TTN: variants seen among roughly 807,000 people sequenced by gnomAD.
TTN encodes the protein titin.
Under a neutral mutation model 3,223.0 loss-of-function variants are expected in TTN, and 1,525 were observed. The ratio of observed to expected loss-of-function variants is 0.47; its 90% CI spans 0.45 to 0.49. The LOEUF is 0.49. Among genes scored for constraint, TTN ranks in the 20% least tolerant of loss-of-function variants. The pLI is 0.00. For missense variants in TTN, 40,786 were observed against 43,424.0 expected (o/e 0.94, Z 5.40); for synonymous variants, 14,094 against 15,161.0 (o/e 0.93, Z 5.17).
chr2:178,557,051 G>A lies in TTN; in HGVS notation c.88103C>T (p.Thr29368Ile), dbSNP rs757375731. ...GTCACGTCTCTCAACAATGTAGCCTGTAATCTTGCTACCTCCATCGAAAGC... is the reference window on the plus strand; with the variant it reads ...GTCACGTCTCTCAACAATGTAGCCTATAATCTTGCTACCTCCATCGAAAGC... ...QPAFDGGSKI[T>I]GYIVERRDLP... The change falls in exon 330 of 363, where the codon ACA (threonine) becomes ATA (isoleucine). Residue 29368 changes from threonine to isoleucine, a missense_variant. Coordinates refer to ENST00000589042, the MANE Select transcript of TTN (RefSeq NM_001267550.2). 6.8e-6 allele frequency: 11 copies of A among 1,613,770 alleles called. No individual in the cohort carries two copies. The South Asian group carries it at 1.2e-4, about 18-fold the overall frequency.
At chr2:178,679,441 A>C (rs2154269701) in intron 141 of TTN, 25 bp from the exon 142 acceptor site, 1 of 1,608,878 alleles carries the variant, frequency 6.2e-7, no homozygotes, top group Non-Finnish European at 8.5e-7. Flanking sequence ...TTTATTGTTA[A>C]GTTCTAACTA....
Position 178,560,115 on chromosome 2 carries a change from C to G in TTN, c.86017G>C (p.Val28673Leu), listed in dbSNP as rs766198189. The G allele has an allele frequency of 6.2e-7, 1 of 1,613,686 alleles. No individual in the cohort carries two copies. The highest frequency in any genetic ancestry group is 2.2e-5 in the East Asian group (1 of 44,826). ...GCCCCACCATCAAACAGCGGCTTAA[C>G]CCAGGCAATAGTTATAGTTGTCTTG... ...SGKTTITIAW[V>L]KPLFDGGAPI... The change falls in exon 326 of 363, where the codon GTT (valine) becomes CTT (leucine). Residue 28673 changes from valine to leucine, a missense_variant. By Grantham distance (32) the Val-to-Leu change is conservative (BLOSUM62 1). Transcript: ENST00000589042.
Position 178,608,292 on chromosome 2 carries a change from C to T in TTN, c.52591G>A (p.Val17531Ile). Reference protein sequence around the residue: ...KSLLNALKANVDGLLEGLTYV... With the variant: ...KSLLNALKANIDGLLEGLTYV... ...GTGAGTCCTTCTAATAAGCCATCTA[C>T]ATTGGCTTTCAAGGCATTCAGAAGG... Residue 17531 changes from valine (V) to isoleucine (I), a missense_variant, in exon 275 of 363, where the codon GTA becomes ATA. Coordinates refer to ENST00000589042, the MANE Select transcript of TTN (RefSeq NM_001267550.2). 5 of 1,612,200 alleles carry T rather than the reference C, an allele frequency of 3.1e-6. No homozygotes were observed. Among genetic ancestry groups the T allele is most frequent in the Non-Finnish European group, 4.2e-6 (5 of 1,179,090 alleles).
In TTN at chr2:178,644,569, CT is replaced by C; in HGVS notation, c.40455del (p.Val13486TrpfsTer6). On this transcript the variant is annotated frameshift_variant, in exon 218 of 363. Coordinates refer to ENST00000589042, the MANE Select transcript of TTN (RefSeq NM_001267550.2). LOFTEE classifies it high-confidence loss of function. ...KVPEKPQVPE[K>X]VELTPLKVPG... ...ATACCTTTCAGAGGTGTAAGCTCCA[CT>C]TTTTCTGGAACCTGAGGTTTTTCAG... 1 of 1,586,548 alleles carries C rather than the reference CT, an allele frequency of 6.3e-7. No individual in the cohort carries two copies. Among genetic ancestry groups the C allele is most frequent in the South Asian group, 1.2e-5 (1 of 85,058 alleles).
Position 178,561,357 on chromosome 2 carries a change from G to C in TTN, c.84775C>G (p.Pro28259Ala). 6.2e-7 allele frequency: 1 copy of C among 1,613,734 alleles called. No individual in the cohort carries two copies. Among genetic ancestry groups the C allele is most frequent in the Non-Finnish European group, 8.5e-7 (1 of 1,179,780 alleles). Residue 28259 changes from proline (P) to alanine (A), a missense_variant, in exon 326 of 363, where the codon CCT becomes GCT. By Grantham distance (27) the Pro-to-Ala change is conservative (BLOSUM62 -1). Transcript: ENST00000589042. ...TTTCTTGTGATATTTGTGACTTCAG[G>C]TTGTCCAGGAGGGTCACAAGGATCT... The part of the protein sequence containing the change: ...ARDPCDPPGQ[P>A]EVTNITRKSV...
At chr2:178,745,984 A>T (rs964996610) in intron 47 of TTN, 1 of 1,611,376 alleles carries the variant, frequency 6.2e-7, no homozygotes, top group Non-Finnish European at 8.5e-7. Flanking sequence ...ATATTTCAGA[A>T]TCTCCCATGG....
chr2:178,651,242 C>A lies in TTN; in HGVS notation c.39625+1G>T, dbSNP rs970681023. The A allele has an allele frequency of 1.9e-6, 3 of 1,612,464 alleles. No individual in the cohort carries two copies. Among genetic ancestry groups the A allele is most frequent in the South Asian group, 1.1e-5 (1 of 90,952 alleles). ...TGCAGAATCTCATTAGTGACATGTA[C>A]CTTTTGCTGGTGGGACTTCTGGCTT... is the stretch of plus-strand genomic sequence containing the variant. On this transcript the variant is annotated splice_donor_variant, in intron 208 of 362. Transcript: ENST00000589042. LOFTEE classifies it high-confidence loss of function.
At position 178,640,097 on chromosome 2, in the gene TTN, C is replaced by A. The variant is rs2061031118; in HGVS notation, c.40737G>T (p.Lys13579Asn). 6.2e-7 allele frequency: 1 copy of A among 1,611,834 alleles called. No homozygotes were observed. Reference protein sequence around the residue: ...IPEPTKVPEIKPAIPLPAPEP... With the variant: ...IPEPTKVPEINPAIPLPAPEP... ...CAGGTGCAGGGAGAGGTATTGCTGG[C>A]TTGATTTCAGGCACTGAAATAATTT... Residue 13579 changes from lysine to asparagine, a missense_variant, in exon 222 of 363, where the codon AAG becomes AAT. Transcript: ENST00000589042.
chr2:178,738,177 A>G lies in TTN; in HGVS notation c.14276T>C (p.Ile4759Thr). 1 of 1,613,780 alleles carries G rather than the reference A, an allele frequency of 6.2e-7. No individual in the cohort carries two copies. Among genetic ancestry groups the G allele is most frequent in the Non-Finnish European group, 8.5e-7 (1 of 1,179,782 alleles). ...GCAGTCAACCACCTGGGTTCTCAGG[A>G]TTTCAAGGCTGGAGATATACTTTGA... ...RSSKYISSLE[I>T]LRTQVVDCGE... Residue 4759 changes from isoleucine (I) to threonine (T), a missense_variant, in exon 49 of 363, where the codon ATC (isoleucine) becomes ACC (threonine). Transcript: ENST00000589042.
rs1479424442 is a variant in TTN at position 178,553,944 on chromosome 2, A to G, written c.89167T>C (p.Ser29723Pro). The G allele has an allele frequency of 6.2e-7, 1 of 1,605,540 alleles. No individual in the cohort carries two copies. Among genetic ancestry groups the G allele is most frequent in the Non-Finnish European group, 8.5e-7 (1 of 1,177,574 alleles). The change falls in exon 333 of 363, where the codon TCT becomes CCT. Residue 29723 changes from serine (S) to proline (P), a missense_variant. Ser to Pro is a moderately conservative substitution (Grantham distance 74). Transcript: ENST00000589042. ...AAGQGPFSEPSEFYKAADPID... is the reference protein window; with the variant it reads ...AAGQGPFSEPPEFYKAADPID... Reference sequence around the variant, plus strand: ...GGATCAGCAGCTTTGTAGAATTCAGATGGTTCAGAAAATGGACCCTGTCCA... The same window carrying G: ...GGATCAGCAGCTTTGTAGAATTCAGGTGGTTCAGAAAATGGACCCTGTCCA...
In TTN at chr2:178,598,043, C is replaced by T. The variant is rs1406392460; in HGVS notation, c.57127G>A (p.Val19043Met). ...GTCACAACAAGCTTTGTTCCTCTCA[C>T]TTCTTTATCTTTACCCTGGGGAGAA... ...EEWEKGKDKE[V>M]RGTKLVVTGL... Residue 19043 changes from valine to methionine, a missense_variant, in exon 293 of 363, where the codon GTG becomes ATG. Coordinates refer to ENST00000589042, the MANE Select transcript of TTN (RefSeq NM_001267550.2). 1.9e-6 allele frequency: 3 copies of T among 1,612,436 alleles called. No individual in the cohort carries two copies. Among genetic ancestry groups the T allele is most frequent in the African/African-American group, 2.7e-5 (2 of 74,866 alleles).
In TTN at chr2:178,569,458, A is replaced by G. The variant is rs375553630; in HGVS notation, c.76674T>C (p.Asp25558=). 133 of 1,612,986 alleles carry G rather than the reference A, an allele frequency of 8.2e-5. No individual in the cohort carries two copies. The highest frequency in any genetic ancestry group is 1.0e-4 in the Non-Finnish European group (123 of 1,179,406). ...DGEIRDAAII[D]VTSSFTSLVL... The stretch of plus-strand genomic sequence containing the variant: ...CAAGAGAGGTGAAACTGCTAGTGAC[A>G]TCAATTATAGCTGCATCTCGGATTT... The change falls in exon 326 of 363, where the codon GAT becomes GAC. Residue 25558 remains aspartate, a synonymous_variant. Transcript: ENST00000589042.
chr2:178,536,281 G>C lies in TTN; in HGVS notation c.100466C>G (p.Ser33489Cys). Residue 33489 changes from serine to cysteine, a missense_variant, in exon 357 of 363, where the codon TCT becomes TGT. By Grantham distance (112) the Ser-to-Cys change is moderately radical. Transcript: ENST00000589042. ...SEISEPITPK[S>C]DVPIQAPHFK... is the part of the protein sequence containing the mutation. ...GTGTGGTGCCTGAATTGGGACATCA[G>C]ATTTGGGAGTGATGGGTTCTGATAT... 4 of 1,613,666 alleles carry C rather than the reference G, an allele frequency of 2.5e-6. No individual in the cohort carries two copies. Among genetic ancestry groups the C allele is most frequent in the Non-Finnish European group, 3.4e-6 (4 of 1,179,728 alleles).
chr2:178,637,146 G>T lies in TTN; in HGVS notation c.40927+223C>A, dbSNP rs1220845401. Among the ~76,000 whole-genome samples the T allele has an allele frequency of 2.0e-4, 10 of 49,186 alleles. 1 individual carries two copies. The highest frequency in any genetic ancestry group is 3.5e-4 in the Non-Finnish European group (8 of 22,746). 32.3% of individuals were successfully genotyped at this position (49,186 alleles called of 152,430 possible). On this transcript the variant is annotated intron_variant, in intron 224 of 362. Coordinates refer to ENST00000589042, the MANE Select transcript of TTN (RefSeq NM_001267550.2). ...GATTCACTATGCTAAAATATAGTTG[G>T]ATATATATATATATATATATATATA...
chr2:178,579,408 A>T lies in TTN; in HGVS notation c.67637-15T>A. ...ATCAGGAGCCACTGTAAAATAGCAG[A>T]GATAAATTACTGTTATTTTTAAGGC... On this transcript the variant is annotated splice_polypyrimidine_tract_variant and intron_variant, in intron 319 of 362. Coordinates refer to ENST00000589042, the MANE Select transcript of TTN (RefSeq NM_001267550.2). 1.9e-6 allele frequency: 3 copies of T among 1,555,276 alleles called. No homozygotes were observed. Among genetic ancestry groups the T allele is most frequent in the Non-Finnish European group, 2.6e-6 (3 of 1,160,616 alleles).
intron 259 of TTN, 109 bp downstream of exon 259, chr2:178,615,198 C>A: frequency 7.5e-7 from 1 of 1,324,874 alleles, no homozygotes; most frequent in Middle Eastern, 1.9e-4. Flanking sequence ...GATACACCGG[C>A]AGCATAGGAT....
rs1022027686 is a variant in TTN at position 178,629,503 on chromosome 2, T to C, written c.44282-60A>G. 28 of 1,604,260 alleles carry C rather than the reference T, an allele frequency of 1.7e-5. 1 individual carries two copies. The Admixed American group carries it at 4.2e-4, about 24-fold the overall frequency. Reference sequence around the variant, plus strand: ...CATTTTGTAATCCCAAAAGAATAAATAGAGACTTAGATATGAATCTTCATG... The same window carrying C: ...CATTTTGTAATCCCAAAAGAATAAACAGAGACTTAGATATGAATCTTCATG... On this transcript the variant is annotated intron_variant, in intron 239 of 362. Transcript: ENST00000589042.
At position 178,614,399 on chromosome 2, in the gene TTN, T is replaced by A. The variant is rs558040745; in HGVS notation, c.49049-51A>T. On this transcript the variant is annotated intron_variant, in intron 261 of 362. Coordinates refer to ENST00000589042, the MANE Select transcript of TTN (RefSeq NM_001267550.2). ...AAAAAAAATTGTTCACCATTTTTTT[T>A]ATTTTTTTCTTTCAAGAAAGTAACT... 116 of 1,578,694 alleles carry A rather than the reference T, an allele frequency of 7.3e-5. No individual in the cohort carries two copies. The African/African-American group carries it at 8.7e-4, about 12-fold the overall frequency.
intron 106 of TTN, 134 bp from the exon 107 acceptor site, chr2:178,702,797 A>G (rs973929815): frequency 6.0e-5 from 47 of 783,516 alleles, no homozygotes; most frequent in Non-Finnish European, 8.0e-5. Flanking sequence ...CAAAAATCCA[A>G]AATGAGAAGA....
Sources: allele counts gnomAD v4.1 joint callset (sites outside exome capture counted in the v4.1 genomes callset), GRCh38; gene constraint gnomAD v4.1.1; transcripts MANE v1.5; gene names NCBI Gene and HGNC (gene_info 2026-07-23, HGNC 2026-07-21).